DTNB: variants seen among roughly 807,000 people sequenced by gnomAD.
DTNB encodes dystrobrevin beta.
A neutral mutation model predicts 90.7 loss-of-function variants in DTNB; 63 were observed. That is an observed-to-expected ratio of 0.69 (90% CI 0.57 to 0.86). The LOEUF is 0.86. Among genes scored for constraint, DTNB ranks in the 40% least tolerant of loss-of-function variants. The pLI is 0.00. For missense variants in DTNB, 744 were observed against 807.1 expected, an observed-to-expected ratio of 0.92 and a Z score of 0.95; for synonymous variants, 277 against 286.7, an observed-to-expected ratio of 0.97 and a Z score of 0.34.
At chr2:25,611,875 TAAGAA>T (rs2068722314) in intron 4 of DTNB, among the ~76,000 whole-genome samples, 1 of 152,056 alleles carries the variant, frequency 6.6e-6, no homozygotes, top group African/African-American at 2.4e-5. Flanking sequence ...AAGGAATTAT[TAAGAA>T]AATAAGTCTG....
intron 10 of DTNB, among the ~76,000 whole-genome samples, chr2:25,473,858 C>T (rs1254674269): frequency 6.6e-6 from 1 of 152,210 alleles, no homozygotes; most frequent in East Asian, 1.9e-4. Context: ...ATCCCACAAG[C>T]ATCTCAATCT....
At chr2:25,493,552 T>C (rs1422405889) in intron 9 of DTNB, among the ~76,000 whole-genome samples, 5 of 152,196 alleles carry the variant, frequency 3.3e-5, no homozygotes, top group African/African-American at 1.2e-4. Flanking sequence ...TTTCACCTCT[T>C]TTCCCACCTA....
At chr2:25,423,011 G>A (rs1281090655) in intron 15 of DTNB, among the ~76,000 whole-genome samples, 2 of 152,132 alleles carry the variant, frequency 1.3e-5, no homozygotes, top group African/African-American at 4.8e-5. Flanking sequence ...TGGCCAACAT[G>A]GTGAAACCCG....
chr2:25,457,287 G>C (rs1394499341), intron 10 of DTNB, among the ~76,000 whole-genome samples: 1 of 152,200 alleles, frequency 6.6e-6, no homozygotes, highest in Non-Finnish European at 1.5e-5. Context: ...TGAGAATACA[G>C]GTGTGAGCCA....
intron 16 of DTNB, among the ~76,000 whole-genome samples, chr2:25,410,934 CTTTTTTT>C (rs34571788): frequency 2.6e-4 from 35 of 132,514 alleles, no homozygotes; most frequent in Middle Eastern, 3.8e-3. Flanking sequence ...ACTGCCTTTT[CTTTTTTT>C]TTTTTTTTTT....
In DTNB at chr2:25,432,911, G is replaced by C; in HGVS notation, c.1432C>G (p.Leu478Val). 1 of 1,609,020 alleles carries C rather than the reference G, an allele frequency of 6.2e-7. No individual in the cohort carries two copies. Among genetic ancestry groups the C allele is most frequent in the Non-Finnish European group, 8.5e-7 (1 of 1,178,478 alleles). ...CTCAGCAGCCGCAGCTCTGCCAGCA[G>C]CGTGGGGTTCTGCTGTGCCTTCTCA... ...TPEKAQQNPT[L>V]LAELRLLRQR... is the part of the protein sequence containing the mutation. The change falls in exon 14 of 21, where the codon CTG becomes GTG. Residue 478 changes from leucine (L) to valine (V), a missense_variant. Transcript: ENST00000406818.
chr2:25,600,309 T>A, intron 5 of DTNB, among the ~76,000 whole-genome samples: 1 of 152,230 alleles, frequency 6.6e-6, no homozygotes, highest in South Asian at 2.1e-4. Flanking sequence ...CACATTGCAA[T>A]GCTGGAGTAG....
intron 9 of DTNB, among the ~76,000 whole-genome samples, chr2:25,522,212 C>T (rs1575355741): frequency 6.6e-6 from 1 of 152,148 alleles, no homozygotes; most frequent in Admixed American, 6.5e-5. Flanking sequence ...TTTGAATACA[C>T]GTCTTGCAAT....
At chr2:25,520,645 T>C (rs2075980361) in intron 9 of DTNB, among the ~76,000 whole-genome samples, 1 of 152,232 alleles carries the variant, frequency 6.6e-6, no homozygotes, top group African/African-American at 2.4e-5. Flanking sequence ...CAAGCATATT[T>C]GTGTTTTACC....
chr2:25,380,682 T>C (rs2037404886), intron 19 of DTNB, among the ~76,000 whole-genome samples: 1 of 152,166 alleles, frequency 6.6e-6, no homozygotes, highest in Non-Finnish European at 1.5e-5. Context: ...GACAGTGCCC[T>C]GGGGCCTGGA....
intron 12 of DTNB, among the ~76,000 whole-genome samples, chr2:25,449,450 G>C (rs1165790897): frequency 1.3e-5 from 2 of 152,128 alleles, no homozygotes; most frequent in African/African-American, 2.4e-5. Flanking sequence ...CCAACAACAG[G>C]GTGAGATTTC....
intron 4 of DTNB, among the ~76,000 whole-genome samples, chr2:25,613,113 CATTT>C (rs2148573206): frequency 6.6e-6 from 1 of 151,900 alleles, no homozygotes; most frequent in East Asian, 1.9e-4. Flanking sequence ...TTATTTTATT[CATTT>C]ATTTATTTAT....
At chr2:25,547,304 C>A (rs1422722219) in intron 8 of DTNB, among the ~76,000 whole-genome samples, 1 of 146,938 alleles carries the variant, frequency 6.8e-6, no homozygotes, top group Non-Finnish European at 1.5e-5. Context: ...AAGAGTCATG[C>A]ACCTGTATTC....
chr2:25,641,870 G>C (rs2078384458), intron 2 of DTNB, among the ~76,000 whole-genome samples: 1 of 152,082 alleles, frequency 6.6e-6, no homozygotes, highest in African/African-American at 2.4e-5. Context: ...ACCCAGGCTG[G>C]AGTGCAGTAG....
chr2:25,656,986 CAACATGGTG>C (rs1361962430), intron 1 of DTNB, among the ~76,000 whole-genome samples: 1 of 152,082 alleles, frequency 6.6e-6, no homozygotes, highest in Non-Finnish European at 1.5e-5. Flanking sequence ...CCAGCCTGGC[CAACATGGTG>C]AAACCCAGTC....
chr2:25,521,224 CTTT>C (rs1438450279), intron 9 of DTNB, among the ~76,000 whole-genome samples: 6 of 152,046 alleles, frequency 3.9e-5, no homozygotes, highest in Admixed American at 6.6e-5. Context: ...AGACACCCTT[CTTT>C]GAGAGCAGGG....
chr2:25,572,038 A>G (rs59005775), intron 8 of DTNB, among the ~76,000 whole-genome samples: 9,165 of 152,142 alleles, frequency 0.06, 888 homozygotes, highest in African/African-American at 0.21. Flanking sequence ...TCCTCCCACC[A>G]TGCCACACAT....
intron 4 of DTNB, among the ~76,000 whole-genome samples, chr2:25,618,906 T>C (rs1188643093): frequency 6.6e-6 from 1 of 152,150 alleles, no homozygotes; most frequent in East Asian, 1.9e-4. Context: ...AAAACACCAT[T>C]ATTAGCTCTG....
chr2:25,607,009 C>G (rs1559209123), intron 5 of DTNB, among the ~76,000 whole-genome samples: 2 of 152,166 alleles, frequency 1.3e-5, no homozygotes, highest in Non-Finnish European at 2.9e-5. Flanking sequence ...GATTCTGAGT[C>G]TTTTCCATTT....
Sources: gnomAD v4.1 joint callset for allele counts (sites outside exome capture counted in the v4.1 genomes callset) on GRCh38, gnomAD v4.1.1 for gene constraint, MANE v1.5 for transcripts, NCBI Gene and HGNC (gene_info 2026-07-23, HGNC 2026-07-21) for gene names.